Variants in KDM7A observed in about 807,000 individuals in gnomAD.
The protein encoded by KDM7A is lysine-specific demethylase 7A.
In KDM7A, 28 loss-of-function variants were observed where a neutral mutation model predicts 114.8. The ratio of observed to expected loss-of-function variants is 0.24; its 90% CI spans 0.18 to 0.33. KDM7A has a LOEUF of 0.33. KDM7A is among the 10% of genes least tolerant of loss of function. The pLI is 1.00. For missense variants in KDM7A, 942 were observed against 1,142.5 expected, an observed-to-expected ratio of 0.82 and a Z score of 2.53; for synonymous variants, 423 against 397.8, an observed-to-expected ratio of 1.06 and a Z score of -0.75.
chr7:140,109,871 T>C (rs923106234), intron 11 of KDM7A, among the ~76,000 whole-genome samples: 10 of 152,230 alleles, frequency 6.6e-5, no homozygotes, highest in Non-Finnish European at 1.3e-4. Context: ...GATTCCCAAA[T>C]TATCCACTAG....
At chr7:140,142,247 C>T (rs566591151) in intron 1 of KDM7A, among the ~76,000 whole-genome samples, 15 of 150,856 alleles carry the variant, frequency 9.9e-5, no homozygotes, top group African/African-American at 3.4e-4. Flanking sequence ...AATCAAAACA[C>T]AAAAAGCACT....
chr7:140,160,349 G>C (rs7809010), intron 1 of KDM7A, among the ~76,000 whole-genome samples: 2 of 152,128 alleles, frequency 1.3e-5, no homozygotes, highest in African/African-American at 4.8e-5. Context: ...ATATCCTAAC[G>C]TTACTTGAAG....
At chr7:140,100,711 C>CATATATATAT (rs58767645) in intron 12 of KDM7A, among the ~76,000 whole-genome samples, 7 of 56,978 alleles carry the variant, frequency 1.2e-4, no homozygotes, top group Non-Finnish European at 2.6e-4. Flanking sequence ...TATATATACA[C>CATATATATAT]ATATATATAT....
At chr7:140,153,174 C>T (rs1311410662) in intron 1 of KDM7A, among the ~76,000 whole-genome samples, 1 of 151,746 alleles carries the variant, frequency 6.6e-6, no homozygotes, top group Non-Finnish European at 1.5e-5. Context: ...TGATCGATGA[C>T]AGGCAAATGT....
chr7:140,151,375 G>A (rs1794398371), intron 1 of KDM7A, among the ~76,000 whole-genome samples: 1 of 152,142 alleles, frequency 6.6e-6, no homozygotes, highest in Non-Finnish European at 1.5e-5. Flanking sequence ...TTACATAGTG[G>A]ATTCTCACAC....
chr7:140,105,902 G>C (rs912702354), intron 11 of KDM7A, among the ~76,000 whole-genome samples: 2 of 152,168 alleles, frequency 1.3e-5, no homozygotes, highest in Non-Finnish European at 2.9e-5. Flanking sequence ...GAATTTGGCT[G>C]TGAATCCGTC....
chr7:140,122,567 G>A (rs1370937315), intron 7 of KDM7A, among the ~76,000 whole-genome samples: 1 of 152,190 alleles, frequency 6.6e-6, no homozygotes, highest in Non-Finnish European at 1.5e-5. Flanking sequence ...CCAGAGGCAA[G>A]GCTTTCAGCA....
rs138880191 is a variant in KDM7A, at chr7:140,105,241, C to T, written c.1429-3081G>A. Among the ~76,000 whole-genome samples, 406 of 152,276 alleles carry T rather than the reference C, an allele frequency of 2.7e-3. 4 individuals are homozygous for T. The highest frequency in any genetic ancestry group is 9.3e-3 in the African/African-American group (388 of 41,544). On this transcript the variant is annotated intron_variant, in intron 11 of 19. Transcript: ENST00000397560. ...CAATCATGTCATCTGCAAACAGGGA[C>T]AATTTGACTTCCTCTCTTCCTAACG...
At chr7:140,107,005 G>A (rs926658415) in intron 11 of KDM7A, among the ~76,000 whole-genome samples, 29 of 152,280 alleles carry the variant, frequency 1.9e-4, no homozygotes, top group Admixed American at 3.9e-4. Context: ...TTGTTGAATT[G>A]ATCCCTTTAG....
Position 140,089,305 on chromosome 7 carries a change from G to T in KDM7A, c.*1789C>A, listed in dbSNP as rs1314634423. On this transcript the variant is annotated 3_prime_UTR_variant, in exon 20 of 20. Transcript: ENST00000397560. ...GGTCCAGTCACTCTGAACCAGAAAG[G>T]CTACTTCATAAACTATTTCATATTT... 3 of 152,162 alleles carry T rather than the reference G, an allele frequency of 2.0e-5. No homozygotes were observed. The allele number at this position is 152,162 out of a possible 1,614,324, so 9.4% of individuals were successfully genotyped here.
intron 1 of KDM7A, among the ~76,000 whole-genome samples, chr7:140,165,612 C>G (rs1242405101): frequency 1.3e-5 from 2 of 152,174 alleles, no homozygotes; most frequent in Non-Finnish European, 2.9e-5. Flanking sequence ...ACCATCCCAT[C>G]TAGGATGTGA....
chr7:140,176,133 G>C lies in KDM7A; in HGVS notation c.194+611C>G, dbSNP rs1193211752. 1.3e-5 allele frequency among the ~76,000 whole-genome samples: 2 copies of C among 151,900 alleles called. No homozygotes were observed. The highest frequency in any genetic ancestry group is 4.8e-5 in the African/African-American group (2 of 41,412). On this transcript the variant is annotated intron_variant, in intron 1 of 19. Coordinates refer to ENST00000397560, the MANE Select transcript of KDM7A (RefSeq NM_030647.2). This position sits in a 1 kb window ranked among gnomAD's most constrained non-coding sequence, Gnocchi z 4.4. Reference sequence around the variant, plus strand: ...TGTTTACTCCGCGGAGCCCCGCCGAGCTGGCTGGCGCGGTCGCCTCTCCGG... The same window carrying C: ...TGTTTACTCCGCGGAGCCCCGCCGACCTGGCTGGCGCGGTCGCCTCTCCGG...
chr7:140,175,296 T>C (rs1447035220), intron 1 of KDM7A, among the ~76,000 whole-genome samples: 1 of 152,214 alleles, frequency 6.6e-6, no homozygotes, highest in Non-Finnish European at 1.5e-5. Context: ...TTACATGGTT[T>C]TCTCTCCCTG....
chr7:140,162,430 C>T (rs1164177554), intron 1 of KDM7A, among the ~76,000 whole-genome samples: 2 of 151,758 alleles, frequency 1.3e-5, no homozygotes, highest in Non-Finnish European at 2.9e-5. Flanking sequence ...AATGGCATTT[C>T]TAAATTATAA....
At chr7:140,167,198 T>A (rs1794586224) in intron 1 of KDM7A, among the ~76,000 whole-genome samples, 1 of 152,172 alleles carries the variant, frequency 6.6e-6, no homozygotes. Flanking sequence ...AATGTAACCC[T>A]AATAAAAATC....
intron 9 of KDM7A, among the ~76,000 whole-genome samples, chr7:140,114,127 T>C (rs1467863952): frequency 1.3e-5 from 2 of 152,110 alleles, no homozygotes; most frequent in Non-Finnish European, 2.9e-5. Flanking sequence ...TGTAACCACT[T>C]AGAATTTGTA....
At chr7:140,099,847 AGGG>A in intron 13 of KDM7A, 49 bp downstream of exon 13, 4 of 1,556,696 alleles carry the variant, frequency 2.6e-6, no homozygotes, top group Non-Finnish European at 3.5e-6. Context: ...AAATGAACAA[AGGG>A]AACCCAATGA....
intron 1 of KDM7A, among the ~76,000 whole-genome samples, chr7:140,142,354 G>A (rs1237428236): frequency 6.7e-6 from 1 of 150,126 alleles, no homozygotes; most frequent in Non-Finnish European, 1.5e-5. Context: ...AGTAGCAGAA[G>A]ACATTACAAT....
intron 11 of KDM7A, among the ~76,000 whole-genome samples, chr7:140,109,875 C>T (rs892547860): frequency 6.6e-6 from 1 of 152,174 alleles, no homozygotes; most frequent in African/African-American, 2.4e-5. Flanking sequence ...CCCAAATTAT[C>T]CACTAGAAGA....
Sources: gnomAD v4.1 joint callset for allele counts (sites outside exome capture counted in the v4.1 genomes callset) on GRCh38, gnomAD v4.1.1 for gene constraint, Gnocchi (gnomAD v3.1) non-coding constraint, MANE v1.5 for transcripts, NCBI Gene and HGNC (gene_info 2026-07-23, HGNC 2026-07-21) for gene names.